Variants in SYCP1 observed in about 807,000 individuals in gnomAD.
The protein encoded by SYCP1 is synaptonemal complex protein 1, also known as cancer/testis antigen 8.
Under a neutral mutation model 153.1 loss-of-function variants are expected in SYCP1, and 64 were observed. The observed-to-expected ratio is 0.42, with a 90% confidence interval of 0.34 to 0.51. SYCP1 has a LOEUF of 0.51. SYCP1 is among the 20% of genes least tolerant of loss of function. The pLI, the probability that SYCP1 is intolerant of heterozygous loss-of-function variation, is 0.06. For synonymous variants in SYCP1, 384 were observed against 341.8 expected (o/e 1.12, Z -1.36); for missense variants, 997 against 1,049.0 (o/e 0.95, Z 0.68).
Position 114,876,142 on chromosome 1 carries a change from G to T in SYCP1, c.727+4G>T. 2 of 1,541,048 alleles carry T rather than the reference G, an allele frequency of 1.3e-6. No homozygotes were observed. The highest frequency in any genetic ancestry group is 1.4e-5 in the African/African-American group (1 of 72,720). On this transcript the variant is annotated splice_donor_region_variant and intron_variant, in intron 10 of 31. Coordinates refer to ENST00000369522, the MANE Select transcript of SYCP1 (RefSeq NM_003176.4). The stretch of plus-strand genomic sequence containing the variant: ...AGACTGGAAATGCATTTTAAGTGTA[G>T]GTATAGGGATCTTACTTAATTTTTA...
chr1:114,954,158 TTCAA>T (rs1361902148), intron 27 of SYCP1, among the ~76,000 whole-genome samples: 2 of 152,346 alleles, frequency 1.3e-5, no homozygotes, highest in East Asian at 1.9e-4. Context: ...TTATAGAAGA[TTCAA>T]TCAAACTAAT....
chr1:114,941,380 A>G (rs1038084328), intron 23 of SYCP1, among the ~76,000 whole-genome samples: 1 of 152,070 alleles, frequency 6.6e-6, no homozygotes, highest in Non-Finnish European at 1.5e-5. Flanking sequence ...TGTTATTATT[A>G]TAACTATACC....
intron 15 of SYCP1, among the ~76,000 whole-genome samples, chr1:114,890,706 T>C (rs1666651231): frequency 1.3e-5 from 2 of 152,160 alleles, no homozygotes; most frequent in African/African-American, 2.4e-5. Flanking sequence ...GACAATATGG[T>C]CTCAAAACCA....
At chr1:114,975,912 T>C (rs1305855721) in intron 27 of SYCP1, among the ~76,000 whole-genome samples, 1 of 151,748 alleles carries the variant, frequency 6.6e-6, no homozygotes, top group Non-Finnish European at 1.5e-5. Flanking sequence ...TTATTCCTTT[T>C]ATTGAGTTTG....
At chr1:114,947,119 T>C in intron 26 of SYCP1, 127 bp from the exon 27 acceptor site, 1 of 747,576 alleles carries the variant, frequency 1.3e-6, no homozygotes, top group East Asian at 2.8e-5. Context: ...ACTTTAAAAG[T>C]ATCTACATTT....
chr1:114,941,949 A>G (rs1670418224), intron 23 of SYCP1, among the ~76,000 whole-genome samples: 1 of 152,132 alleles, frequency 6.6e-6, no homozygotes, highest in Non-Finnish European at 1.5e-5. Flanking sequence ...CTCATTAGAT[A>G]AATCTGAAAT....
At chr1:114,961,137 T>A (rs1671759478) in intron 27 of SYCP1, among the ~76,000 whole-genome samples, 1 of 152,162 alleles carries the variant, frequency 6.6e-6, no homozygotes, top group Non-Finnish European at 1.5e-5. Context: ...AGTTTGTGCA[T>A]GTTAAGGTGT....
intron 16 of SYCP1, among the ~76,000 whole-genome samples, chr1:114,901,350 T>A (rs886862367): frequency 1.3e-5 from 2 of 152,214 alleles, no homozygotes; most frequent in African/African-American, 4.8e-5. Context: ...CCACTTTAAT[T>A]AAGCTGAGTA....
intron 12 of SYCP1, among the ~76,000 whole-genome samples, chr1:114,879,724 G>A (rs1045625618): frequency 6.6e-6 from 1 of 152,126 alleles, no homozygotes; most frequent in Non-Finnish European, 1.5e-5. Flanking sequence ...GATTCCTGTA[G>A]ACTCATACCC....
intron 9 of SYCP1, among the ~76,000 whole-genome samples, chr1:114,875,222 A>T (rs1665426994): frequency 6.9e-6 from 1 of 143,924 alleles, no homozygotes; most frequent in African/African-American, 2.6e-5. Flanking sequence ...TCTTTTTTAC[A>T]CTTTATTGTA....
At chr1:114,904,495 G>T (rs1667692617) in intron 16 of SYCP1, among the ~76,000 whole-genome samples, 1 of 152,118 alleles carries the variant, frequency 6.6e-6, no homozygotes, top group Non-Finnish European at 1.5e-5. Context: ...GATTAATTCA[G>T]GTTGAACTGA....
chr1:114,985,913 A>AAG (rs997919046), intron 30 of SYCP1, among the ~76,000 whole-genome samples: 1 of 82,872 alleles, frequency 1.2e-5, no homozygotes, highest in Non-Finnish European at 3.0e-5. Context: ...AAAAAATTTG[A>AAG]AAAAAAAAAA....
At chr1:114,982,306 A>G (rs1349496617) in intron 29 of SYCP1, among the ~76,000 whole-genome samples, 2 of 151,852 alleles carry the variant, frequency 1.3e-5, no homozygotes, top group East Asian at 3.9e-4. Context: ...AAGGATCTCA[A>G]TTGTCTCCAT....
chr1:114,977,728 A>G, intron 28 of SYCP1, 112 bp downstream of exon 28: 1 of 640,990 alleles, frequency 1.6e-6, no homozygotes, highest in Non-Finnish European at 2.5e-6. Context: ...TATATCATAC[A>G]ATTTCATTTT....
chr1:114,878,217 A>G lies in SYCP1; in HGVS notation c.910+15A>G, dbSNP rs753783542. The G allele has an allele frequency of 1.4e-6, 2 of 1,422,022 alleles. No individual in the cohort carries two copies. Among genetic ancestry groups the G allele is most frequent in the Admixed American group, 1.9e-5 (1 of 51,310 alleles). 88.1% of individuals were successfully genotyped at this position (1,422,022 alleles called of 1,614,324 possible). On this transcript the variant is annotated intron_variant, in intron 12 of 31. Transcript: ENST00000369522. The stretch of plus-strand genomic sequence containing the variant: ...GGAAAAGACAAGTAAGAGTTTATAT[A>G]AGATAATATAATGTGCCTTATGTAT...
intron 9 of SYCP1, among the ~76,000 whole-genome samples, chr1:114,875,056 C>CT (rs1665412860): frequency 6.6e-6 from 1 of 151,916 alleles, no homozygotes; most frequent in Non-Finnish European, 1.5e-5. Flanking sequence ...CTTCATTCTG[C>CT]TTTTTTGTTA....
At chr1:114,970,492 TTGTCA>T (rs1403518086) in intron 27 of SYCP1, among the ~76,000 whole-genome samples, 1 of 152,052 alleles carries the variant, frequency 6.6e-6, no homozygotes, top group African/African-American at 2.4e-5. Context: ...GAACCTTGTT[TTGTCA>T]TATTACCAGA....
chr1:114,934,009 T>A (rs565071357), intron 23 of SYCP1, among the ~76,000 whole-genome samples: 1 of 152,280 alleles, frequency 6.6e-6, no homozygotes, highest in South Asian at 2.1e-4. Flanking sequence ...CCAGGAGAAC[T>A]TCCCCAACCT....
chr1:114,965,402 G>A (rs1672052935), intron 27 of SYCP1, among the ~76,000 whole-genome samples: 1 of 152,200 alleles, frequency 6.6e-6, no homozygotes, highest in Non-Finnish European at 1.5e-5. Context: ...ATGTTGAATA[G>A]GAGTGGTGAG....
Sources: gnomAD v4.1 joint callset for allele counts (sites outside exome capture counted in the v4.1 genomes callset) on GRCh38, gnomAD v4.1.1 for gene constraint, MANE v1.5 for transcripts, NCBI Gene and HGNC (gene_info 2026-07-23, HGNC 2026-07-21) for gene names.